Variants in SLCO1B1 observed in about 807,000 individuals in gnomAD.
SLCO1B1 encodes OATP-2.
Under a neutral mutation model 70.1 loss-of-function variants are expected in SLCO1B1, and 81 were observed. The observed-to-expected ratio is 1.16, with a 90% CI of 0.97 to 1.39. SLCO1B1 has a LOEUF of 1.39. Ranked by LOEUF, SLCO1B1 falls within the 40% of genes most tolerant of loss-of-function variation. The pLI, the probability that SLCO1B1 is intolerant of heterozygous loss-of-function variation, is 0.00. For synonymous variants in SLCO1B1, 283 were observed against 271.5 expected (o/e 1.04, Z -0.42); for missense variants, 895 against 799.6 (o/e 1.12, Z -1.44).
At position 21,239,091 on chromosome 12, in the gene SLCO1B1, G is replaced by GA; in HGVS notation, c.1982dup (p.Asn661LysfsTer7). 1 of 1,608,716 alleles carries GA rather than the reference G, an allele frequency of 6.2e-7. No homozygotes were observed. The highest frequency in any genetic ancestry group is 8.5e-7 in the Non-Finnish European group (1 of 1,175,676). On this transcript the variant is annotated frameshift_variant, in exon 15 of 15. Coordinates refer to ENST00000256958, the MANE Select transcript of SLCO1B1 (RefSeq NM_006446.5). LOFTEE classifies it low-confidence loss of function (END_TRUNC). ...TCAAGAGAAAGATATCAATGCATCA[G>GA]AAAATGGAAGTGTCATGGATGAAGC...
intron 2 of SLCO1B1, among the ~76,000 whole-genome samples, chr12:21,146,363 A>G (rs1940382968): frequency 6.6e-6 from 1 of 152,106 alleles, no homozygotes; most frequent in South Asian, 2.1e-4. Flanking sequence ...TGGCTGGGTC[A>G]ATTTTATTAA....
At chr12:21,221,254 G>A (rs1369852894) in intron 12 of SLCO1B1, among the ~76,000 whole-genome samples, 1 of 152,104 alleles carries the variant, frequency 6.6e-6, no homozygotes, top group Non-Finnish European at 1.5e-5. Context: ...CCTGAAACAA[G>A]ACAAGTGTGT....
chr12:21,153,327 A>T (rs1940497999), intron 2 of SLCO1B1, among the ~76,000 whole-genome samples: 1 of 152,128 alleles, frequency 6.6e-6, no homozygotes, highest in Non-Finnish European at 1.5e-5. Flanking sequence ...TTTACTTAAG[A>T]ATTCATTGTG....
rs756487107 is a variant in SLCO1B1 at position 21,179,040 on chromosome 12, G to A, written c.727+20G>A. The A allele has an allele frequency of 4.1e-6, 6 of 1,472,042 alleles. No individual in the cohort carries two copies. The highest frequency in any genetic ancestry group is 5.7e-6 in the Non-Finnish European group (6 of 1,051,518). 91.2% of individuals were successfully genotyped at this position (1,472,042 alleles called of 1,614,324 possible). A position where few individuals can be genotyped will look rare whatever the true frequency, so the allele number is the denominator to read the frequency against. On this transcript the variant is annotated intron_variant, in intron 7 of 14. Transcript: ENST00000256958. ...ATCTAAGTAAGTACAACCAGAACAA[G>A]GTACCATGATAACGTCTTTCTAAGC...
intron 2 of SLCO1B1, among the ~76,000 whole-genome samples, chr12:21,147,604 A>T (rs535539604): frequency 5.2e-4 from 79 of 152,322 alleles, no homozygotes; most frequent in African/African-American, 1.9e-3. Context: ...CCTGCAAAGG[A>T]CATAAACTCA....
intron 14 of SLCO1B1, among the ~76,000 whole-genome samples, chr12:21,232,263 G>C (rs1033319619): frequency 6.6e-6 from 1 of 152,188 alleles, no homozygotes; most frequent in African/African-American, 2.4e-5. Context: ...ACCTTTCCCA[G>C]AAGGATTCCA....
chr12:21,147,107 T>C (rs998708423), intron 2 of SLCO1B1, among the ~76,000 whole-genome samples: 1 of 152,106 alleles, frequency 6.6e-6, no homozygotes, highest in Admixed American at 6.6e-5. Context: ...TGTTGTTTGG[T>C]GCCTCTATGT....
intron 11 of SLCO1B1, among the ~76,000 whole-genome samples, chr12:21,208,698 C>G (rs1941242713): frequency 6.6e-6 from 1 of 152,054 alleles, no homozygotes; most frequent in African/African-American, 2.4e-5. Context: ...ACCATTGAAT[C>G]TGTAGATTGC....
At position 21,217,264 on chromosome 12, in the gene SLCO1B1, C is replaced by T. The variant is rs777989336; in HGVS notation, c.1643C>T (p.Ser548Phe). The change falls in exon 12 of 15, where the codon TCT becomes TTT. Residue 548 changes from serine to phenylalanine, a missense_variant. Transcript: ENST00000256958. ...ATACAAGTCTTGAATTTATTTTTCT[C>T]TGCACTTGGAGGCACCTCACATGTC... ...VAIQVLNLFF[S>F]ALGGTSHVML... is the part of the protein sequence containing the mutation. 40 of 1,613,586 alleles carry T rather than the reference C, an allele frequency of 2.5e-5. No individual in the cohort carries two copies. Among genetic ancestry groups the T allele is most frequent in the Middle Eastern group, 1.6e-4 (1 of 6,078 alleles).
intron 14 of SLCO1B1, among the ~76,000 whole-genome samples, chr12:21,233,560 AAAC>A (rs201667791): frequency 0.14 from 17,795 of 129,254 alleles, 1,432 homozygotes; most frequent in Non-Finnish European, 0.19. Flanking sequence ...CTCAAAAAAA[AAAC>A]AAACAAACAA....
chr12:21,172,321 A>T (rs1334445688), intron 2 of SLCO1B1, among the ~76,000 whole-genome samples: 1 of 152,202 alleles, frequency 6.6e-6, no homozygotes, highest in Non-Finnish European at 1.5e-5. Context: ...GGAAATAAAG[A>T]ATAGCTCACC....
rs562664125 is a variant in SLCO1B1, at chr12:21,153,178, A to G, written c.84+11520A>G. On this transcript the variant is annotated intron_variant, in intron 2 of 14. Transcript: ENST00000256958. ...TCCAGAAAGAGTTGCTGCATTTTAA[A>G]TTGGTTCAGTGTTTTTCTTGTTGTT... Among the ~76,000 whole-genome samples, 5 of 152,208 alleles carry G rather than the reference A, an allele frequency of 3.3e-5. No homozygotes were observed. In the East Asian group the frequency reaches 9.7e-4, roughly 29 times the overall value.
chr12:21,164,677 G>C (rs533981544), intron 2 of SLCO1B1, among the ~76,000 whole-genome samples: 3 of 151,910 alleles, frequency 2.0e-5, no homozygotes, highest in Non-Finnish European at 4.4e-5. Context: ...CAAATAATCC[G>C]TGTTATTTCA....
chr12:21,202,336 A>G (rs1183519878), intron 9 of SLCO1B1, among the ~76,000 whole-genome samples, 155 bp from the exon 10 acceptor site: 1 of 152,142 alleles, frequency 6.6e-6, no homozygotes, highest in Non-Finnish European at 1.5e-5. Context: ...TGTAACAAAC[A>G]TGCACATTCT....
intron 1 of SLCO1B1, among the ~76,000 whole-genome samples, chr12:21,134,589 C>G (rs1940190484): frequency 6.6e-6 from 1 of 152,140 alleles, no homozygotes; most frequent in Admixed American, 6.5e-5. Flanking sequence ...GGAATTTATC[C>G]ATTTCTGCTA....
chr12:21,170,425 G>T (rs561110872), intron 2 of SLCO1B1, among the ~76,000 whole-genome samples: 1 of 152,108 alleles, frequency 6.6e-6, no homozygotes. Flanking sequence ...TGAGGTTCCA[G>T]GGCTGTTCTG....
intron 2 of SLCO1B1, among the ~76,000 whole-genome samples, chr12:21,145,301 T>C (rs1166972419): frequency 6.6e-6 from 1 of 151,960 alleles, no homozygotes; most frequent in Middle Eastern, 3.2e-3. Context: ...TCCAACATAG[T>C]AGCATTATAG....
At chr12:21,177,277 A>G (rs17330253) in intron 5 of SLCO1B1, among the ~76,000 whole-genome samples, 3,117 of 152,292 alleles carry the variant, frequency 0.02, 53 homozygotes, top group Non-Finnish European at 0.03. Flanking sequence ...TATTATATGT[A>G]AAAGCATTTA....
intron 7 of SLCO1B1, among the ~76,000 whole-genome samples, chr12:21,182,370 T>G (rs888203471): frequency 2.0e-5 from 3 of 151,838 alleles, no homozygotes; most frequent in African/African-American, 4.8e-5. Flanking sequence ...ACCCAGGGGG[T>G]TTTGCATGTT....
Sources: gnomAD v4.1 joint callset for allele counts (sites outside exome capture counted in the v4.1 genomes callset) on GRCh38, gnomAD v4.1.1 for gene constraint, MANE v1.5 for transcripts, NCBI Gene and HGNC (gene_info 2026-07-23, HGNC 2026-07-21) for gene names.